Variants in SMTN observed in about 807,000 individuals in gnomAD.
The protein encoded by SMTN is smoothelin.
SMTN carries 58 observed loss-of-function variants against 102.0 expected under a neutral mutation model. The observed-to-expected ratio is 0.57, with a 90% confidence interval of 0.46 to 0.71. The LOEUF (loss-of-function observed/expected upper bound fraction) is 0.71. Ranked by LOEUF, SMTN falls within the 30% of genes least tolerant of loss-of-function variation. SMTN has a pLI of 0.00. For missense variants in SMTN, 1,185 were observed against 1,241.7 expected, an observed-to-expected ratio of 0.95 and a Z score of 0.69; for synonymous variants, 478 against 497.9, an observed-to-expected ratio of 0.96 and a Z score of 0.53.
chr22:31,083,447 G>A, intron 2 of SMTN, 138 bp downstream of exon 2: 5 of 1,077,870 alleles, frequency 4.6e-6, no homozygotes, highest in Non-Finnish European at 5.2e-6. Context: ...ACAGGGGTAG[G>A]CCAGTTCCAT....
intron 2 of SMTN, among the ~76,000 whole-genome samples, chr22:31,086,105 C>T (rs2042681036): frequency 6.6e-6 from 1 of 152,220 alleles, no homozygotes; most frequent in South Asian, 2.1e-4. Context: ...TGAGACACAG[C>T]CAGCACCGGG....
intron 8 of SMTN, 137 bp downstream of exon 8, chr22:31,090,317 C>G: frequency 1.5e-6 from 1 of 685,284 alleles, no homozygotes; most frequent in African/African-American, 1.8e-5. Flanking sequence ...TACTGCACCC[C>G]ACCCCTGAAG....
chr22:31,079,966 T>C (rs1286844831), upstream of SMTN, among the ~76,000 whole-genome samples: 1 of 152,238 alleles, frequency 6.6e-6, no homozygotes, highest in Non-Finnish European at 1.5e-5. Context: ...TTTTGCCGTG[T>C]TGGCCAGGCT....
chr22:31,082,320 T>G, intron 1 of SMTN: 1 of 314,222 alleles, frequency 3.2e-6, no homozygotes, highest in Non-Finnish European at 6.6e-6. Context: ...AGGGGTCCAT[T>G]TTGATGGGCA....
intron 1 of SMTN, among the ~76,000 whole-genome samples, chr22:31,081,857 G>C (rs1284752044): frequency 6.6e-6 from 1 of 152,224 alleles, no homozygotes; most frequent in Non-Finnish European, 1.5e-5. Context: ...GGGGGAATCA[G>C]AATGTCCGCA....
upstream of SMTN, among the ~76,000 whole-genome samples, chr22:31,079,339 G>A (rs1037437576): frequency 2.6e-5 from 4 of 152,354 alleles, no homozygotes; most frequent in Admixed American, 6.5e-5. Context: ...GGGCTTGAAG[G>A]GGCAGGACCC....
chr22:31,085,139 C>G, intron 2 of SMTN: 1 of 1,535,502 alleles, frequency 6.5e-7, no homozygotes. Flanking sequence ...CCGGGACGCC[C>G]TCTGCCTCGG....
chr22:31,089,611 C>T, intron 6 of SMTN, 88 bp from the exon 7 acceptor site: 1 of 1,286,846 alleles, frequency 7.8e-7, no homozygotes, highest in Non-Finnish European at 1.1e-6. Flanking sequence ...CATGCCCTGC[C>T]CTGGGCACTT....
At chr22:31,099,522 G>A in intron 18 of SMTN, 1 of 595,056 alleles carries the variant, frequency 1.7e-6, no homozygotes, top group Non-Finnish European at 3.0e-6. Context: ...AGCCTTAGCT[G>A]GGTGGCGCTG....
rs755114795 is a variant in SMTN at position 31,089,988 on chromosome 22, T to C, written c.761T>C (p.Leu254Pro). 1 of 1,602,276 alleles carries C rather than the reference T, an allele frequency of 6.2e-7. No individual in the cohort carries two copies. Among genetic ancestry groups the C allele is most frequent in the Non-Finnish European group, 8.5e-7 (1 of 1,174,068 alleles). The change falls in exon 7 of 21, where the codon CTC (leucine) becomes CCC (proline). Residue 254 changes from leucine to proline, a missense_variant. Physicochemically the swap from Leu to Pro is moderately conservative, Grantham distance 98. This residue lies in a region of SMTN where 1,096 missense variants were observed against 1,112.7 expected (regional missense o/e 0.98). Transcript: ENST00000333137. ...TSPEPQESPT[L>P]PSTEGQVVNK... ...CCTGAGCCTCAGGAGTCTCCAACGC[T>C]CCCCAGCACTGAGGGCCAGGTGGTC...
intron 11 of SMTN, chr22:31,093,356 C>G (rs991993015): frequency 2.9e-6 from 1 of 345,424 alleles, no homozygotes; most frequent in East Asian, 8.2e-5. Context: ...CCTTTGCCCT[C>G]GGACCAGCTG....
Position 31,091,655 on chromosome 22 carries a change from C to T in SMTN, c.1460-20C>T. The T allele has an allele frequency of 6.4e-7, 1 of 1,566,146 alleles. No individual in the cohort carries two copies. The highest frequency in any genetic ancestry group is 1.8e-5 in the Admixed American group (1 of 56,052). On this transcript the variant is annotated intron_variant, in intron 10 of 20. Transcript: ENST00000333137. ...TCACTCCACCTGATCCTCCTGACAG[C>T]CACCTTTCTCCCCACTCAGAACTGA... is the stretch of plus-strand genomic sequence containing the variant.
chr22:31,100,276 A>G (rs1311392951), intron 19 of SMTN, among the ~76,000 whole-genome samples: 1 of 151,852 alleles, frequency 6.6e-6, no homozygotes, highest in Non-Finnish European at 1.5e-5. Flanking sequence ...TTCCAAAAGG[A>G]GGCTCCTGGC....
At chr22:31,089,328 C>A (rs796969784) in intron 6 of SMTN, among the ~76,000 whole-genome samples, 2 of 152,302 alleles carry the variant, frequency 1.3e-5, no homozygotes, top group African/African-American at 4.8e-5. Flanking sequence ...GCTGGGTCCA[C>A]GGTCCTGGCA....
In SMTN at chr22:31,097,281, G is replaced by C; in HGVS notation, c.2102G>C (p.Ser701Thr). 6.2e-7 allele frequency: 1 copy of C among 1,614,174 alleles called. No homozygotes were observed. Among genetic ancestry groups the C allele is most frequent in the Non-Finnish European group, 8.5e-7 (1 of 1,180,018 alleles). ...FVRRSENGSG[S>T]TMMQTKTFSS... ...CCCTTTTTTGCAGATGGCAGTGGCA[G>C]CACCATGATGCAAACCAAGACCTTC... Residue 701 changes from serine to threonine, a missense_variant, in exon 16 of 21, where the codon AGC (serine) becomes ACC (threonine). Ser to Thr is a moderately conservative substitution (Grantham distance 58). Coordinates refer to ENST00000333137, the MANE Select transcript of SMTN (RefSeq NM_134269.3).
intron 2 of SMTN, chr22:31,085,270 T>C: frequency 1.3e-6 from 2 of 1,511,320 alleles, no homozygotes; most frequent in Non-Finnish European, 1.8e-6. Context: ...GGCTACCCCT[T>C]CGGCGCCTAG....
intron 15 of SMTN, 54 bp from the exon 16 acceptor site, chr22:31,097,215 T>C: frequency 6.4e-7 from 1 of 1,574,628 alleles, no homozygotes; most frequent in East Asian, 2.2e-5. Flanking sequence ...TCCCATCCCA[T>C]CTCCTGATGT....
At chr22:31,074,566 G>T (rs2042082866) in intron 1 of SMTN, among the ~76,000 whole-genome samples, 1 of 152,154 alleles carries the variant, frequency 6.6e-6, no homozygotes, top group Non-Finnish European at 1.5e-5. Context: ...AAGAAGGGCG[G>T]ATCACCTGAG....
intron 2 of SMTN, chr22:31,085,428 T>G: frequency 2.7e-6 from 2 of 754,318 alleles, no homozygotes; most frequent in Non-Finnish European, 4.1e-6. Flanking sequence ...ACTGAAAGCC[T>G]GGAGAGCCCC....
Sources: allele counts gnomAD v4.1 joint callset (sites outside exome capture counted in the v4.1 genomes callset), GRCh38; gene constraint gnomAD v4.1.1; regional missense constraint gnomAD v4.1.1; transcripts MANE v1.5; gene names NCBI Gene and HGNC (gene_info 2026-07-23, HGNC 2026-07-21).